RNF182: variants seen among roughly 807,000 people sequenced by gnomAD.
The protein encoded by RNF182 is E3 ubiquitin-protein ligase RNF182.
A neutral mutation model predicts 14.4 loss-of-function variants in RNF182; 15 were observed. The ratio of observed to expected loss-of-function variants is 1.04; its 90% CI spans 0.70 to 1.60. RNF182 has a LOEUF of 1.60. Among genes scored for constraint, RNF182 ranks in the 40% most tolerant of loss-of-function variants. RNF182 has a pLI of 0.00. For synonymous variants in RNF182, 128 were observed against 122.9 expected, an observed-to-expected ratio of 1.04 and a Z score of -0.27; for missense variants, 268 against 294.8, an observed-to-expected ratio of 0.91 and a Z score of 0.67.
intron 1 of RNF182, among the ~76,000 whole-genome samples, chr6:13,971,276 A>T (rs921665064): frequency 1.3e-5 from 2 of 151,944 alleles, no homozygotes; most frequent in African/African-American, 4.8e-5. Flanking sequence ...AGATCTGATG[A>T]TTTTATGAAG....
At position 13,952,590 on chromosome 6, in the gene RNF182, C is replaced by T. The variant is rs374901718; in HGVS notation, c.-366-21620C>T. 1.1e-4 allele frequency among the ~76,000 whole-genome samples: 16 copies of T among 152,190 alleles called. No individual in the cohort carries two copies. In the South Asian group the frequency reaches 2.9e-3, roughly 28 times the overall value. On this transcript the variant is annotated intron_variant, in intron 1 of 2. Coordinates refer to ENST00000488300, the MANE Select transcript of RNF182 (RefSeq NM_152737.4). ...AGTCGGCCAATTGGTGCTGTGCAGA[C>T]GATTTTCCTTTGGTTAAGTGGGGGT...
chr6:13,968,494 C>A (rs1341409715), intron 1 of RNF182, among the ~76,000 whole-genome samples: 1 of 152,120 alleles, frequency 6.6e-6, no homozygotes. Context: ...TTTTAAAGAA[C>A]ACATAATTTT....
Position 13,977,554 on chromosome 6 carries a change from C to A in RNF182, c.435C>A (p.Ser145Arg). 6.2e-7 allele frequency: 1 copy of A among 1,614,232 alleles called. No individual in the cohort carries two copies. The highest frequency in any genetic ancestry group is 8.5e-7 in the Non-Finnish European group (1 of 1,180,034). ...AGAGAGAGAGCTCCCCGTCCCTGAG[C>A]TCCACTCCTGTGGTAGAATTTTATA... is the stretch of plus-strand genomic sequence containing the variant. ...EVQRESSPSL[S>R]STPVVEFYRP... Residue 145 changes from serine (S) to arginine (R), a missense_variant, in exon 3 of 3, where the codon AGC becomes AGA. By Grantham distance (110) the Ser-to-Arg change is moderately radical (BLOSUM62 -1). Transcript: ENST00000488300.
Position 13,957,095 on chromosome 6 carries a change from A to G in RNF182, c.-366-17115A>G, listed in dbSNP as rs117619661. Among the ~76,000 whole-genome samples, 327 of 152,326 alleles carry G rather than the reference A, an allele frequency of 2.1e-3. 2 individuals carry two copies. In the East Asian group the frequency reaches 0.038, roughly 18 times the overall value. On this transcript the variant is annotated intron_variant, in intron 1 of 2. Transcript: ENST00000488300. ...CCATCTTGCATAGGTGCCTTTTGGG[A>G]TAGAGTATTTAGAATGTCTGTCACA...
At chr6:13,934,228 G>A (rs1284137142) in intron 1 of RNF182, among the ~76,000 whole-genome samples, 1 of 152,136 alleles carries the variant, frequency 6.6e-6, no homozygotes, top group Non-Finnish European at 1.5e-5. Flanking sequence ...GTTGAATAGT[G>A]TAGTCCTAGA....
Position 13,976,864 on chromosome 6 carries a change from T to G in RNF182, c.-211-45T>G, listed in dbSNP as rs1447136682. Reference sequence around the variant, plus strand: ...TAAAGCACTTTTCAGAAACACCGTTTCAGTGAACTGTTCATTATATTAGAA... The same window carrying G: ...TAAAGCACTTTTCAGAAACACCGTTGCAGTGAACTGTTCATTATATTAGAA... On this transcript the variant is annotated intron_variant, in intron 2 of 2. Transcript: ENST00000488300. The G allele has an allele frequency of 2.4e-5, 10 of 421,378 alleles. No homozygotes were observed. In the East Asian group the frequency reaches 3.6e-4, roughly 15 times the overall value. 26.1% of individuals were successfully genotyped at this position (421,378 alleles called of 1,614,324 possible).
chr6:13,947,436 A>G (rs1759467551), intron 1 of RNF182, among the ~76,000 whole-genome samples: 1 of 152,200 alleles, frequency 6.6e-6, no homozygotes, highest in Admixed American at 6.5e-5. Context: ...GGCAAAATAA[A>G]TTTTAGTCTT....
chr6:13,977,950 T>G lies in RNF182; in HGVS notation c.*87T>G. 7.4e-7 allele frequency: 1 copy of G among 1,360,494 alleles called. No homozygotes were observed. Among genetic ancestry groups the G allele is most frequent in the Non-Finnish European group, 1.0e-6 (1 of 1,001,054 alleles). 84.3% of individuals were successfully genotyped at this position (1,360,494 alleles called of 1,614,324 possible). A position where few individuals can be genotyped will look rare whatever the true frequency, so the allele number is the denominator to read the frequency against. ...TTATAATTTATTTTCTTTTATGTTC[T>G]TTATGATTAGTATCCATGACATTAA... On this transcript the variant is annotated 3_prime_UTR_variant, in exon 3 of 3. Coordinates refer to ENST00000488300, the MANE Select transcript of RNF182 (RefSeq NM_152737.4).
At chr6:13,960,366 G>A (rs554771537) in intron 1 of RNF182, among the ~76,000 whole-genome samples, 1 of 152,146 alleles carries the variant, frequency 6.6e-6, no homozygotes, top group Non-Finnish European at 1.5e-5. Flanking sequence ...ACTTGGCCAG[G>A]TGCAATGGCT....
rs920364511 is a variant in RNF182, at chr6:13,976,860, C to G, written c.-211-49C>G. ...TCCATAAAGCACTTTTCAGAAACAC[C>G]GTTTCAGTGAACTGTTCATTATATT... On this transcript the variant is annotated intron_variant, in intron 2 of 2. Coordinates refer to ENST00000488300, the MANE Select transcript of RNF182 (RefSeq NM_152737.4). 38 of 402,656 alleles carry G rather than the reference C, an allele frequency of 9.4e-5. No homozygotes were observed. The Admixed American group carries it at 1.2e-3, about 13-fold the overall frequency. The allele number at this position is 402,656 out of a possible 1,614,324, so 24.9% of individuals were successfully genotyped here.
chr6:13,956,291 A>G (rs985995029), intron 1 of RNF182, among the ~76,000 whole-genome samples: 5 of 148,564 alleles, frequency 3.4e-5, no homozygotes, highest in African/African-American at 7.4e-5. Flanking sequence ...CTTTGGCCTA[A>G]TATATCCTGA....
chr6:13,974,459 T>C (rs2113650076), intron 2 of RNF182, 95 bp downstream of exon 2: 1 of 152,334 alleles, frequency 6.6e-6, no homozygotes, highest in African/African-American at 2.4e-5. Flanking sequence ...ATATGAACAT[T>C]ATAATCACAT....
At chr6:13,965,916 A>G (rs899286163) in intron 1 of RNF182, among the ~76,000 whole-genome samples, 1 of 152,214 alleles carries the variant, frequency 6.6e-6, no homozygotes, top group African/African-American at 2.4e-5. Flanking sequence ...CAAGGAAGCA[A>G]TCATGATCAG....
In RNF182 at chr6:13,947,212, C is replaced by T. The variant is rs181627334; in HGVS notation, c.-367+22189C>T. Reference sequence around the variant, plus strand: ...TTTCTTTTGAGCAGCAGCCAGAGATCACTGGTTGGTTCACAGGAATAAGCA... The same window carrying T: ...TTTCTTTTGAGCAGCAGCCAGAGATTACTGGTTGGTTCACAGGAATAAGCA... On this transcript the variant is annotated intron_variant, in intron 1 of 2. Transcript: ENST00000488300. Among the ~76,000 whole-genome samples the T allele has an allele frequency of 1.3e-3, 194 of 152,216 alleles. 4 individuals are homozygous for T. The East Asian group carries it at 0.034, about 27-fold the overall frequency.
rs280163 is a variant in RNF182 at position 13,978,387 on chromosome 6, C to G, written c.*524C>G. On this transcript the variant is annotated 3_prime_UTR_variant, in exon 3 of 3. Transcript: ENST00000488300. ...CCATTGAGATACTTGTTTCCTCTGC[C>G]CATTCTCCCTTGCCAAGAGGAAACT... The G allele has an allele frequency of 0.42, 68,851 of 163,756 alleles. 15,432 individuals are homozygous for G. The highest frequency in any genetic ancestry group is 0.52 in the Middle Eastern group (154 of 296). 10.1% of individuals were successfully genotyped at this position (163,756 alleles called of 1,614,324 possible).
chr6:13,970,601 C>A (rs1760150803), intron 1 of RNF182, among the ~76,000 whole-genome samples: 1 of 151,930 alleles, frequency 6.6e-6, no homozygotes, highest in African/African-American at 2.4e-5. Context: ...TGGATAGATA[C>A]CAAGTAGAAG....
chr6:13,936,258 G>C (rs557783981), intron 1 of RNF182, among the ~76,000 whole-genome samples: 2 of 152,314 alleles, frequency 1.3e-5, no homozygotes, highest in African/African-American at 4.8e-5. Context: ...ATATCAGTAA[G>C]GAACTAGCAT....
intron 1 of RNF182, among the ~76,000 whole-genome samples, chr6:13,964,602 A>G (rs1759969978): frequency 6.6e-6 from 1 of 152,024 alleles, no homozygotes; most frequent in African/African-American, 2.4e-5. Context: ...TGCAAGTGAA[A>G]CCCCAAGCTT....
chr6:13,962,446 G>A (rs1759906643), intron 1 of RNF182, among the ~76,000 whole-genome samples: 1 of 152,178 alleles, frequency 6.6e-6, no homozygotes, highest in Non-Finnish European at 1.5e-5. Flanking sequence ...TGTTTTTGAA[G>A]ATAGAGTTAT....
Sources: allele counts gnomAD v4.1 joint callset (sites outside exome capture counted in the v4.1 genomes callset), GRCh38; gene constraint gnomAD v4.1.1; transcripts MANE v1.5; gene names NCBI Gene and HGNC (gene_info 2026-07-23, HGNC 2026-07-21).